SPAG7: variants seen among roughly 807,000 people sequenced by gnomAD.
SPAG7 encodes sperm-associated antigen 7.
Under a neutral mutation model 30.6 loss-of-function variants are expected in SPAG7, and 20 were observed. That is an observed-to-expected ratio of 0.65 (90% confidence interval 0.46 to 0.95). The LOEUF (loss-of-function observed/expected upper bound fraction) is 0.95. Among genes scored for constraint, SPAG7 ranks in the 40% least tolerant of loss-of-function variants. The pLI is 0.00. For synonymous variants in SPAG7, 127 were observed against 104.2 expected (o/e 1.22, Z -1.33); for missense variants, 276 against 291.1 (o/e 0.95, Z 0.38).
In SPAG7 at chr17:4,959,635, C is replaced by A; in HGVS notation, c.583G>T (p.Ala195Ser). The A allele has an allele frequency of 6.2e-7, 1 of 1,614,050 alleles. No homozygotes were observed. Among genetic ancestry groups the A allele is most frequent in the African/African-American group, 1.3e-5 (1 of 75,042 alleles). The change falls in exon 7 of 7, where the codon GCC becomes TCC. Residue 195 changes from alanine to serine, a missense_variant. Physicochemically the swap from Ala to Ser is moderately conservative, Grantham distance 99 (BLOSUM62 1). Coordinates refer to ENST00000206020, the MANE Select transcript of SPAG7 (RefSeq NM_004890.3). ...ATGGAGCGTGTGTCCCTCTTATTGG[C>A]CACGGGCACTAGGGGCAGAGAGGAG... ...ANKTYGCVPV[A>S]NKRDTRSIEE...
intron 1 of SPAG7, among the ~76,000 whole-genome samples, chr17:4,965,522 T>A (rs1022306935): frequency 1.2e-4 from 18 of 152,092 alleles, no homozygotes; most frequent in African/African-American, 4.3e-4. Context: ...AACTTCTTTT[T>A]TTTTTGTCTC....
chr17:4,962,738 C>T (rs571529492), intron 1 of SPAG7, among the ~76,000 whole-genome samples: 7 of 151,790 alleles, frequency 4.6e-5, no homozygotes, highest in South Asian at 2.1e-4. Context: ...TTATTAGAGA[C>T]GGGGTTTCAC....
At chr17:4,967,043 C>T (rs1036128884) in intron 1 of SPAG7, 33 of 985,608 alleles carry the variant, frequency 3.3e-5, no homozygotes, top group South Asian at 9.3e-5. Context: ...AGCCCACCCG[C>T]AGGGAAGCTA....
intron 1 of SPAG7, among the ~76,000 whole-genome samples, chr17:4,962,568 C>T (rs1027550046): frequency 2.0e-5 from 3 of 152,216 alleles, no homozygotes; most frequent in Admixed American, 2.0e-4. Flanking sequence ...CCACCATGCT[C>T]AGCTACTGTT....
rs367681189 is a variant in SPAG7, at chr17:4,959,957, C to T, written c.418-41G>A. ...GGGGCACTGGTGCTCAGGGCCCCAG[C>T]CCAAACCCCCACCCCTCCCAGGTGG... On this transcript the variant is annotated intron_variant, in intron 5 of 6. Transcript: ENST00000206020. 60 of 1,612,866 alleles carry T rather than the reference C, an allele frequency of 3.7e-5. No individual in the cohort carries two copies. The African/African-American group carries it at 6.7e-4, about 18-fold the overall frequency.
chr17:4,961,250 A>C (rs377461163), intron 1 of SPAG7, among the ~76,000 whole-genome samples: 6 of 152,184 alleles, frequency 3.9e-5, no homozygotes, highest in African/African-American at 1.4e-4. Context: ...TGGGGTCAGG[A>C]GTTCGAGACC....
Position 4,960,209 on chromosome 17 carries a change from AGAATGAG to A in SPAG7, c.327+18_327+24del. On this transcript the variant is annotated intron_variant, in intron 4 of 6. Coordinates refer to ENST00000206020, the MANE Select transcript of SPAG7 (RefSeq NM_004890.3). ...GATAAGGCTACAAAGGGGAGAGGAGAGAATGAGGAATTCAGGCCCTTTACCTTTTTGA... is the reference window on the plus strand; with the variant it reads ...GATAAGGCTACAAAGGGGAGAGGAGAGAATTCAGGCCCTTTACCTTTTTGA... 1 of 1,610,472 alleles carries A rather than the reference AGAATGAG, an allele frequency of 6.2e-7. No homozygotes were observed. Among genetic ancestry groups the A allele is most frequent in the Non-Finnish European group, 8.5e-7 (1 of 1,176,710 alleles).
At position 4,967,730 on chromosome 17, in the gene SPAG7, G is replaced by C. The variant is rs1225710269; in HGVS notation, c.75C>G (p.Arg25=). The change falls in exon 1 of 7, where the codon CGC becomes CGG. Residue 25 remains arginine (R), a synonymous_variant. Coordinates refer to ENST00000206020, the MANE Select transcript of SPAG7 (RefSeq NM_004890.3). The part of the protein sequence containing the change: ...PPSLGDQETR[R]KAREQAARLK... ...ATTTGGGATCCTCACCTCGGGCCTTGCGCCGAGTCTCCTGGTCACCGAGGC... is the reference window on the plus strand; with the variant it reads ...ATTTGGGATCCTCACCTCGGGCCTTCCGCCGAGTCTCCTGGTCACCGAGGC... 1.2e-6 allele frequency: 2 copies of C among 1,613,586 alleles called. No homozygotes were observed. Among genetic ancestry groups the C allele is most frequent in the Non-Finnish European group, 1.7e-6 (2 of 1,179,656 alleles).
chr17:4,960,472 C>T lies in SPAG7; in HGVS notation c.229G>A (p.Glu77Lys). Reference protein sequence around the residue: ...KKKFQPMNKIERSILHDVVEV... With the variant: ...KKKFQPMNKIKRSILHDVVEV... Reference sequence around the variant, plus strand: ...AGGGACACTCACAGTATGCTCCTCTCGATCTTGTTCATTGGCTGAAACTTT... The same window carrying T: ...AGGGACACTCACAGTATGCTCCTCTTGATCTTGTTCATTGGCTGAAACTTT... The change falls in exon 3 of 7, where the codon GAG (glutamate) becomes AAG (lysine). Residue 77 changes from glutamate to lysine, a missense_variant. Transcript: ENST00000206020. 6.2e-7 allele frequency: 1 copy of T among 1,603,852 alleles called. No homozygotes were observed. The highest frequency in any genetic ancestry group is 1.1e-5 in the South Asian group (1 of 89,534).
At position 4,960,033 on chromosome 17, in the gene SPAG7, G is replaced by A. The variant is rs201256045; in HGVS notation, c.406C>T (p.Arg136Trp). 2.2e-3 allele frequency: 3,571 copies of A among 1,614,022 alleles called. 13 individuals carry two copies. The highest frequency in any genetic ancestry group is 2.6e-3 in the Non-Finnish European group (3,061 of 1,179,946). ...EWDPQKAEEK[R>W]KLKELAQRQE... ...AAAGCATAGCTCACCTTCAGCTTCCGCTTCTCCTCAGCCTTCTGGGGGTCC... is the reference window on the plus strand; with the variant it reads ...AAAGCATAGCTCACCTTCAGCTTCCACTTCTCCTCAGCCTTCTGGGGGTCC... The change falls in exon 5 of 7, where the codon CGG becomes TGG. Residue 136 changes from arginine to tryptophan, a missense_variant. Physicochemically the swap from Arg to Trp is moderately radical, Grantham distance 101 (BLOSUM62 -3). Coordinates refer to ENST00000206020, the MANE Select transcript of SPAG7 (RefSeq NM_004890.3).
intron 6 of SPAG7, 52 bp from the exon 7 acceptor site, chr17:4,959,695 C>T (rs1376462880): frequency 1.2e-6 from 2 of 1,613,532 alleles, no homozygotes; most frequent in Non-Finnish European, 1.7e-6. Flanking sequence ...ACCTCAGCCT[C>T]CACTGCCCTC....
chr17:4,965,844 T>C (rs1272446778), intron 1 of SPAG7: 2 of 143,298 alleles, frequency 1.4e-5, no homozygotes, highest in African/African-American at 2.9e-5. Context: ...ATTTATTTAT[T>C]TATTTATCTA....
chr17:4,965,439 T>C (rs1325370116), intron 1 of SPAG7, among the ~76,000 whole-genome samples: 1 of 152,090 alleles, frequency 6.6e-6, no homozygotes, highest in Non-Finnish European at 1.5e-5. Flanking sequence ...GTGAGTCAGT[T>C]ACTTCTTCCC....
intron 1 of SPAG7, among the ~76,000 whole-genome samples, chr17:4,962,355 C>A (rs564758517): frequency 6.6e-6 from 1 of 152,080 alleles, no homozygotes; most frequent in African/African-American, 2.4e-5. Flanking sequence ...CTCAAGTGAT[C>A]CCCCCGCCTC....
rs73973670 is a variant in SPAG7 at position 4,959,352 on chromosome 17, T to A, written c.*182A>T. ...TCACACTCTCACACACACACACACATGCCACGCACATATCCAAGCTCCAAC... is the reference window on the plus strand; with the variant it reads ...TCACACTCTCACACACACACACACAAGCCACGCACATATCCAAGCTCCAAC... On this transcript the variant is annotated 3_prime_UTR_variant, in exon 7 of 7. Coordinates refer to ENST00000206020, the MANE Select transcript of SPAG7 (RefSeq NM_004890.3). 1.5e-5 allele frequency: 8 copies of A among 541,144 alleles called. No homozygotes were observed. In the East Asian group the frequency reaches 2.5e-4, roughly 17 times the overall value. The allele number at this position is 541,144 out of a possible 1,614,324, so 33.5% of individuals were successfully genotyped here.
chr17:4,966,710 G>A, intron 1 of SPAG7: 2 of 985,474 alleles, frequency 2.0e-6, no homozygotes, highest in Non-Finnish European at 2.4e-6. Context: ...AAACTTACGT[G>A]TGATCACTGC....
Position 4,959,336 on chromosome 17 carries a change from C to CAT in SPAG7, c.*197_*198insAT, listed in dbSNP as rs1971817794. ...ATACCCACCTGTGCATTCACACTCT[C>CAT]ACACACACACACACATGCCACGCAC... On this transcript the variant is annotated 3_prime_UTR_variant, in exon 7 of 7. Transcript: ENST00000206020. The CAT allele has an allele frequency of 4.2e-6, 2 of 474,600 alleles. No individual in the cohort carries two copies. The highest frequency in any genetic ancestry group is 7.6e-6 in the Non-Finnish European group (2 of 262,416). 29.4% of individuals were successfully genotyped at this position (474,600 alleles called of 1,614,324 possible). A position where few individuals can be genotyped will look rare whatever the true frequency, so the allele number is the denominator to read the frequency against.
chr17:4,967,472 G>A (rs1431031881), intron 1 of SPAG7, among the ~76,000 whole-genome samples: 1 of 152,190 alleles, frequency 6.6e-6, no homozygotes, highest in Non-Finnish European at 1.5e-5. Context: ...GCCGGCTAAT[G>A]GGAAACAAGG....
At chr17:4,960,641 G>A in intron 2 of SPAG7, 94 bp from the exon 3 acceptor site, 1 of 1,345,206 alleles carries the variant, frequency 7.4e-7, no homozygotes, top group Non-Finnish European at 1.1e-6. Context: ...CGCCTCCCCA[G>A]CACCCTCCCC....
Sources: allele counts gnomAD v4.1 joint callset (sites outside exome capture counted in the v4.1 genomes callset), GRCh38; gene constraint gnomAD v4.1.1; transcripts MANE v1.5; gene names NCBI Gene and HGNC (gene_info 2026-07-23, HGNC 2026-07-21).